The following EVL variants were observed in gnomAD, a reference collection of about 807,000 sequenced individuals.
EVL encodes Enah/Vasp-like.
In EVL, 21 loss-of-function variants were observed where a neutral mutation model predicts 59.6. That is an observed-to-expected ratio of 0.35 (90% CI 0.25 to 0.51). The LOEUF is 0.51. Among genes scored for constraint, EVL ranks in the 20% least tolerant of loss-of-function variants. The pLI is 0.97. For missense variants in EVL, 462 were observed against 546.6 expected (o/e 0.85, Z 1.54); for synonymous variants, 198 against 203.5 (o/e 0.97, Z 0.23).
intron 1 of EVL, among the ~76,000 whole-genome samples, chr14:100,015,601 G>T (rs568042474): frequency 1.3e-5 from 2 of 152,294 alleles, no homozygotes; most frequent in South Asian, 4.1e-4. Context: ...CATTAGCGCC[G>T]GCAGGGACTG....
intron 3 of EVL, among the ~76,000 whole-genome samples, chr14:100,104,596 G>A (rs1406661041): frequency 6.6e-6 from 1 of 152,244 alleles, no homozygotes; most frequent in African/African-American, 2.4e-5. Flanking sequence ...AGTTCTCAGA[G>A]AACTTGGCAA....
Position 100,083,011 on chromosome 14 carries a change from G to A in EVL, c.12-1676G>A, listed in dbSNP as rs781214885. Among the ~76,000 whole-genome samples the A allele has an allele frequency of 1.9e-4, 29 of 152,286 alleles. 1 individual carries two copies. The Middle Eastern group carries it at 0.017, about 89-fold the overall frequency. On this transcript the variant is annotated intron_variant, in intron 1 of 13. Transcript: ENST00000392920. Reference sequence around the variant, plus strand: ...CGTGCTTCCATGGCTGCCACACAGGGACTCTAGAAAGCATTGCCCCTCACA... The same window carrying A: ...CGTGCTTCCATGGCTGCCACACAGGAACTCTAGAAAGCATTGCCCCTCACA...
intron 3 of EVL, chr14:100,107,206 C>A (rs1459055399): frequency 1.0e-5 from 4 of 398,590 alleles, no homozygotes; most frequent in Admixed American, 4.4e-5. Flanking sequence ...TCAGAACTTA[C>A]TAGAGTCATC....
intron 1 of EVL, among the ~76,000 whole-genome samples, chr14:100,018,868 TG>T (rs2140198841): frequency 6.6e-6 from 1 of 152,304 alleles, no homozygotes; most frequent in African/African-American, 2.4e-5. Flanking sequence ...ATTTTTCTTT[TG>T]GGGGCTGGCA....
chr14:100,128,006 G>C (rs1050077772), intron 5 of EVL, among the ~76,000 whole-genome samples: 9 of 152,230 alleles, frequency 5.9e-5, no homozygotes, highest in African/African-American at 2.2e-4. Flanking sequence ...GGGCTGGATG[G>C]ATGATGCTGG....
intron 3 of EVL, among the ~76,000 whole-genome samples, chr14:100,120,193 A>G (rs1347561155): frequency 1.3e-5 from 2 of 152,038 alleles, no homozygotes; most frequent in East Asian, 3.9e-4. Flanking sequence ...TAATCCCTAT[A>G]TCTCCGTGGC....
At chr14:100,104,296 T>G (rs1162654031) in intron 3 of EVL, among the ~76,000 whole-genome samples, 1 of 152,268 alleles carries the variant, frequency 6.6e-6, no homozygotes, top group Non-Finnish European at 1.5e-5. Flanking sequence ...AGGCAGACCT[T>G]CAGCCGTTAC....
At chr14:99,981,755 C>T (rs760730113) in intron 1 of EVL, among the ~76,000 whole-genome samples, 52 of 152,278 alleles carry the variant, frequency 3.4e-4, no homozygotes, top group Admixed American at 1.3e-3. Flanking sequence ...TAGAAAATAC[C>T]TTATTGCTTA....
chr14:100,061,403 C>CAAAAAAAAAAAAAAAAAAAA (rs56656380), upstream of EVL, among the ~76,000 whole-genome samples: 1 of 19,088 alleles, frequency 5.2e-5, no homozygotes, highest in Non-Finnish European at 7.9e-5. Context: ...GACCCTGTCT[C>CAAAAAAAAAAAAAAAAAAAA]AAAAAAAAAA....
At chr14:100,030,884 C>T (rs116937635) in intron 1 of EVL, among the ~76,000 whole-genome samples, 7,983 of 152,274 alleles carry the variant, frequency 0.052, 299 homozygotes, top group Non-Finnish European at 0.076. Context: ...CATTGTTGTA[C>T]GTTTCTCCGT....
At chr14:100,092,294 T>A (rs2062581748) in intron 2 of EVL, among the ~76,000 whole-genome samples, 1 of 152,168 alleles carries the variant, frequency 6.6e-6, no homozygotes, top group African/African-American at 2.4e-5. Flanking sequence ...TCTTATATCC[T>A]TACAAGTACA....
rs964155081 is a variant in EVL at position 100,127,677 on chromosome 14, G to C, written c.488-842G>C. ...ACTTGCCTCCCCCCTTCACCTAACT[G>C]AACCCCTGCTCTCCGGTCGTGTCCC... is the stretch of plus-strand genomic sequence containing the variant. On this transcript the variant is annotated intron_variant, in intron 5 of 13. Coordinates refer to ENST00000392920, the MANE Select transcript of EVL (RefSeq NM_016337.3). This position sits in a 1 kb window ranked among gnomAD's most constrained non-coding sequence, Gnocchi z 4.2. Among the ~76,000 whole-genome samples the C allele has an allele frequency of 1.3e-5, 2 of 151,866 alleles. No homozygotes were observed.
intron 8 of EVL, among the ~76,000 whole-genome samples, chr14:100,133,411 T>G (rs1198298974): frequency 6.6e-6 from 1 of 152,228 alleles, no homozygotes; most frequent in Admixed American, 6.5e-5. Context: ...ACAAATGCCT[T>G]GAAGGTTCCA....
chr14:100,107,943 A>G (rs1437940412), intron 3 of EVL: 1 of 152,224 alleles, frequency 6.6e-6, no homozygotes, highest in East Asian at 1.9e-4. Flanking sequence ...GCTTAGTGGG[A>G]ATCCGGGCGA....
chr14:99,986,733 A>C (rs1265727894), intron 1 of EVL, among the ~76,000 whole-genome samples: 2 of 152,246 alleles, frequency 1.3e-5, no homozygotes, highest in Non-Finnish European at 2.9e-5. Context: ...GCAATTCAGC[A>C]TGTCTACAAC....
rs1276400747 is a variant in EVL, at chr14:100,135,941, GCAGC to G, written c.948_951del (p.Gln316HisfsTer50). 6.2e-7 allele frequency: 1 copy of G among 1,613,834 alleles called. No homozygotes were observed. The highest frequency in any genetic ancestry group is 8.5e-7 in the Non-Finnish European group (1 of 1,180,022). ...TACCTCCCCCTCTCCGGGGACCCGAGCAGCCAGCCAGCCACCTAACTCCTCAGGT... is the reference window on the plus strand; with the variant it reads ...TACCTCCCCCTCTCCGGGGACCCGAGCAGCCAGCCACCTAACTCCTCAGGT... On this transcript the variant is annotated frameshift_variant, in exon 9 of 14. Transcript: ENST00000392920. LOFTEE classifies it high-confidence loss of function.
chr14:100,080,297 A>G (rs1020131483), intron 1 of EVL, among the ~76,000 whole-genome samples: 3 of 152,244 alleles, frequency 2.0e-5, no homozygotes, highest in Admixed American at 6.5e-5. Flanking sequence ...CCTGGGCCAC[A>G]TGCGGCCCAC....
At chr14:99,973,590 G>A (rs557782325) in intron 1 of EVL, among the ~76,000 whole-genome samples, 24 of 152,288 alleles carry the variant, frequency 1.6e-4, no homozygotes, top group African/African-American at 5.5e-4. Flanking sequence ...AGCTTCCCGA[G>A]TAGCTGGGAT....
intron 1 of EVL, among the ~76,000 whole-genome samples, chr14:100,001,015 G>A (rs1330025190): frequency 2.6e-5 from 4 of 152,076 alleles, no homozygotes; most frequent in Admixed American, 6.6e-5. Context: ...AGCAGGTTGA[G>A]AAGTCTCATG....
Sources: gnomAD v4.1 joint callset for allele counts (sites outside exome capture counted in the v4.1 genomes callset) on GRCh38, gnomAD v4.1.1 for gene constraint, Gnocchi (gnomAD v3.1) non-coding constraint, MANE v1.5 for transcripts, NCBI Gene and HGNC (gene_info 2026-07-23, HGNC 2026-07-21) for gene names.